ERC1: variants seen among roughly 807,000 people sequenced by gnomAD.
ERC1 encodes ELKS/RAB6-interacting/CAST family member 1.
ERC1 carries 56 observed loss-of-function variants against 132.0 expected under a neutral mutation model. That is an observed-to-expected ratio of 0.42 (90% CI 0.34 to 0.53). ERC1 has a LOEUF of 0.53. Ranked by LOEUF, ERC1 falls within the 20% of genes least tolerant of loss-of-function variation. The pLI, the probability that ERC1 is intolerant of heterozygous loss-of-function variation, is 0.03. For missense variants in ERC1, 1,202 were observed against 1,349.9 expected, an observed-to-expected ratio of 0.89 and a Z score of 1.72; for synonymous variants, 478 against 476.1, an observed-to-expected ratio of 1.00 and a Z score of -0.05.
chr12:1,021,495 C>T (rs970654926), intron 1 of ERC1, among the ~76,000 whole-genome samples: 1 of 151,490 alleles, frequency 6.6e-6, no homozygotes, highest in South Asian at 2.1e-4. Context: ...GTCAGGAGAT[C>T]GAGACCATCC....
At chr12:1,167,404 C>G (rs1022191595) in intron 8 of ERC1, among the ~76,000 whole-genome samples, 1 of 152,192 alleles carries the variant, frequency 6.6e-6, no homozygotes, top group African/African-American at 2.4e-5. Flanking sequence ...TATCTGTCAA[C>G]TCTAGTTGAG....
At chr12:1,136,432 T>G (rs540277188) in intron 7 of ERC1, among the ~76,000 whole-genome samples, 1 of 152,250 alleles carries the variant, frequency 6.6e-6, no homozygotes, top group South Asian at 2.1e-4. Flanking sequence ...TCTACACTTC[T>G]GTTGCAGCAC....
At chr12:1,461,817 A>G (rs1342570127) in intron 18 of ERC1, among the ~76,000 whole-genome samples, 1 of 152,246 alleles carries the variant, frequency 6.6e-6, no homozygotes, top group Non-Finnish European at 1.5e-5. Context: ...TTCAGCAGGC[A>G]TAGAGACATA....
chr12:1,121,729 ATCTC>A (rs373270066), intron 7 of ERC1, among the ~76,000 whole-genome samples: 1 of 6,180 alleles, frequency 1.6e-4, no homozygotes. Context: ...CTCTATCTCT[ATCTC>A]TATCTCTATC....
chr12:1,238,860 A>G (rs2075605345), intron 13 of ERC1, among the ~76,000 whole-genome samples: 1 of 152,114 alleles, frequency 6.6e-6, no homozygotes, highest in South Asian at 2.1e-4. Context: ...AAGATAGATT[A>G]TATTATTTAT....
chr12:1,067,340 G>C (rs188202269), intron 2 of ERC1, among the ~76,000 whole-genome samples: 1 of 152,156 alleles, frequency 6.6e-6, no homozygotes, highest in African/African-American at 2.4e-5. Flanking sequence ...TTGGGGAAGA[G>C]TATTCTAAAT....
In ERC1 at chr12:1,080,601, A is replaced by G. The variant is rs574848658; in HGVS notation, c.670-2563A>G. 1.7e-4 allele frequency among the ~76,000 whole-genome samples: 26 copies of G among 152,282 alleles called. 1 individual carries two copies. The East Asian group carries it at 5.0e-3, about 29-fold the overall frequency. ...AGGAGGTAATTGAATCATGGGGGCC[A>G]GTCTTTCCCATGCTATTCTCGTGAT... On this transcript the variant is annotated intron_variant, in intron 2 of 18. Coordinates refer to ENST00000360905, the MANE Select transcript of ERC1 (RefSeq NM_178040.4).
chr12:1,027,086 T>C (rs985584012), intron 1 of ERC1, among the ~76,000 whole-genome samples: 2 of 152,312 alleles, frequency 1.3e-5, no homozygotes, highest in African/African-American at 2.4e-5. Flanking sequence ...ATAGTTTTTT[T>C]CCCCCAAAAT....
At chr12:1,102,735 CAT>C (rs1264538285) in intron 3 of ERC1, among the ~76,000 whole-genome samples, 1 of 152,050 alleles carries the variant, frequency 6.6e-6, no homozygotes, top group Non-Finnish European at 1.5e-5. Context: ...AATAAGTAAA[CAT>C]AATAAATCAT....
At chr12:1,320,289 C>A (rs1423457194) in intron 15 of ERC1, among the ~76,000 whole-genome samples, 1 of 152,188 alleles carries the variant, frequency 6.6e-6, no homozygotes, top group Non-Finnish European at 1.5e-5. Flanking sequence ...CTCAAGCACT[C>A]TTATAAAAGG....
chr12:1,097,424 A>G (rs1944174329), intron 3 of ERC1, among the ~76,000 whole-genome samples: 1 of 152,176 alleles, frequency 6.6e-6, no homozygotes, highest in African/African-American at 2.4e-5. Context: ...AGGCTACATC[A>G]GCTCTACTCC....
At chr12:1,331,284 C>G (rs1373703149) in intron 15 of ERC1, among the ~76,000 whole-genome samples, 1 of 152,146 alleles carries the variant, frequency 6.6e-6, no homozygotes, top group Admixed American at 6.5e-5. Context: ...TGTCTGGGTT[C>G]TTTCACTCTG....
chr12:1,458,513 C>T (rs2093585020), intron 18 of ERC1, among the ~76,000 whole-genome samples: 1 of 150,246 alleles, frequency 6.7e-6, no homozygotes, highest in East Asian at 1.9e-4. Context: ...TATGTATACA[C>T]ATATACACAT....
chr12:1,159,441 C>T (rs559991953), intron 8 of ERC1, among the ~76,000 whole-genome samples: 6 of 152,246 alleles, frequency 3.9e-5, no homozygotes, highest in East Asian at 1.9e-4. Context: ...CTTGTCTCAC[C>T]GCTTACTTCC....
intron 17 of ERC1, among the ~76,000 whole-genome samples, chr12:1,429,157 C>G (rs966800620): frequency 1.3e-5 from 2 of 152,140 alleles, no homozygotes; most frequent in African/African-American, 4.8e-5. Context: ...TCCTGTATTT[C>G]AAGACTAGGA....
intron 3 of ERC1, among the ~76,000 whole-genome samples, chr12:1,102,542 T>C (rs1055935849): frequency 6.6e-6 from 1 of 152,092 alleles, no homozygotes; most frequent in African/African-American, 2.4e-5. Flanking sequence ...GGGACTAAAA[T>C]ATTTCCTTTC....
intron 1 of ERC1, among the ~76,000 whole-genome samples, chr12:1,010,143 G>A (rs185985094): frequency 6.6e-6 from 1 of 152,262 alleles, no homozygotes; most frequent in East Asian, 1.9e-4. Context: ...TCAGAGAAGC[G>A]TGGTAACCGA....
rs1338523974 is a variant in ERC1 at position 1,319,329 on chromosome 12, CCT to C, written c.2780+29320_2780+29321del. Among the ~76,000 whole-genome samples, 4 of 152,048 alleles carry C rather than the reference CCT, an allele frequency of 2.6e-5. No homozygotes were observed. In the East Asian group the frequency reaches 7.7e-4, roughly 29 times the overall value. ...ATATTCGCTTTAAGGATAGTATTTA[CCT>C]CTGTTTGTTAGCTTTCTGCTTTCCT... is the stretch of plus-strand genomic sequence containing the variant. On this transcript the variant is annotated intron_variant, in intron 15 of 18. Transcript: ENST00000360905.
chr12:1,238,820 T>C (rs1200373196), intron 13 of ERC1, among the ~76,000 whole-genome samples: 1 of 152,146 alleles, frequency 6.6e-6, no homozygotes, highest in Non-Finnish European at 1.5e-5. Context: ...TAATCTCTTA[T>C]TTCCTTTTTA....
Sources: allele counts gnomAD v4.1 joint callset (sites outside exome capture counted in the v4.1 genomes callset), GRCh38; gene constraint gnomAD v4.1.1; transcripts MANE v1.5; gene names NCBI Gene and HGNC (gene_info 2026-07-23, HGNC 2026-07-21).